Variants in ARAP3 observed in about 807,000 individuals in gnomAD.
ARAP3 encodes the protein ArfGAP with RhoGAP domain, ankyrin repeat and PH domain 3.
Under a neutral mutation model 169.2 loss-of-function variants are expected in ARAP3, and 82 were observed. The ratio of observed to expected loss-of-function variants is 0.48; its 90% confidence interval spans 0.41 to 0.58. The LOEUF (loss-of-function observed/expected upper bound fraction) is 0.58, where lower values mean the gene tolerates loss of function less well. Among genes scored for constraint, ARAP3 ranks in the 20% least tolerant of loss-of-function variants. ARAP3 has a pLI of 0.00. For missense variants in ARAP3, 1,764 were observed against 2,018.0 expected (o/e 0.87, Z 2.41); for synonymous variants, 791 against 800.3 (o/e 0.99, Z 0.20).
chr5:141,672,190 C>A lies in ARAP3; in HGVS notation c.1497G>T (p.Arg499=), dbSNP rs146597354. Residue 499 remains arginine, a synonymous_variant, in exon 10 of 33, where the codon CGG becomes CGT. Transcript: ENST00000239440. The surrounding 1 kb of genome is among the most constrained non-coding windows in gnomAD (Gnocchi z 4.9). ...YEVAEKIWSN[R]ANRQCADCGS... is the part of the protein sequence containing the mutation. The stretch of plus-strand genomic sequence containing the variant: ...CACAGTCCGCACACTGCCGGTTGGC[C>A]CGATTAGACCAGATCTTCTCAGCCA... The A allele has an allele frequency of 5.6e-6, 9 of 1,614,078 alleles. No homozygotes were observed. Among genetic ancestry groups the A allele is most frequent in the Non-Finnish European group, 6.8e-6 (8 of 1,180,028 alleles).
Position 141,671,644 on chromosome 5 carries a change from T to C in ARAP3, c.1780A>G (p.Ile594Val), listed in dbSNP as rs1376233885. Reference protein sequence around the residue: ...DATPGPRGEFISRKYRLGLFR... With the variant: ...DATPGPRGEFVSRKYRLGLFR... Reference sequence around the variant, plus strand: ...AGACCCAGACGGTACTTTCGGGAGATGAACTCTCCCCGGGGGCCAGGGGTC... The same window carrying C: ...AGACCCAGACGGTACTTTCGGGAGACGAACTCTCCCCGGGGGCCAGGGGTC... Residue 594 changes from isoleucine (I) to valine (V), a missense_variant, in exon 12 of 33, where the codon ATC (isoleucine) becomes GTC (valine). Coordinates refer to ENST00000239440, the MANE Select transcript of ARAP3 (RefSeq NM_022481.6). This position sits in a 1 kb window ranked among gnomAD's most constrained non-coding sequence, Gnocchi z 4.9. 2.5e-6 allele frequency: 4 copies of C among 1,614,026 alleles called. No individual in the cohort carries two copies. The highest frequency in any genetic ancestry group is 1.6e-4 in the Middle Eastern group (1 of 6,062).
chr5:141,680,012 T>C lies in ARAP3; in HGVS notation c.475A>G (p.Ile159Val), dbSNP rs2099912760. Residue 159 changes from isoleucine to valine, a missense_variant, in exon 2 of 33, where the codon ATC becomes GTC. Ile to Val is a conservative substitution (Grantham distance 29, BLOSUM62 3). Coordinates refer to ENST00000239440, the MANE Select transcript of ARAP3 (RefSeq NM_022481.6). ...LNTVEMMPNSIYFGLDSRGRA... is the reference protein window; with the variant it reads ...LNTVEMMPNSVYFGLDSRGRA... ...CCTCTTGAGTCCAGGCCGAAGTAGA[T>C]GGAATTAGGCATCATCTCCACAGTA... is the stretch of plus-strand genomic sequence containing the variant. 1 of 1,614,144 alleles carries C rather than the reference T, an allele frequency of 6.2e-7. No individual in the cohort carries two copies. The highest frequency in any genetic ancestry group is 8.5e-7 in the Non-Finnish European group (1 of 1,180,020).
chr5:141,661,490 G>A (rs546884714), intron 21 of ARAP3, among the ~76,000 whole-genome samples, 194 bp downstream of exon 21: 49 of 152,338 alleles, frequency 3.2e-4, no homozygotes, highest in African/African-American at 1.1e-3. Flanking sequence ...CACACAGCTA[G>A]AATGACGGCA....
chr5:141,675,592 G>T (rs192693938), intron 4 of ARAP3, among the ~76,000 whole-genome samples: 2 of 151,782 alleles, frequency 1.3e-5, no homozygotes, highest in Non-Finnish European at 2.9e-5. Context: ...GTGTGCTGGC[G>T]GGCGCCTGTA....
chr5:141,681,911 C>A (rs529438574), intron 1 of ARAP3, among the ~76,000 whole-genome samples: 1 of 151,944 alleles, frequency 6.6e-6, no homozygotes, highest in African/African-American at 2.4e-5. Flanking sequence ...CCGGGCTCGA[C>A]AGCACGGGGC....
In ARAP3 at chr5:141,672,197, G is replaced by A. The variant is rs200580064; in HGVS notation, c.1490C>T (p.Ser497Phe). The change falls in exon 10 of 33, where the codon TCT (serine) becomes TTT (phenylalanine). Residue 497 changes from serine (S) to phenylalanine (F), a missense_variant. By Grantham distance (155) the Ser-to-Phe change is radical. Around this residue, in one of 3 missense-constraint regions of ARAP3, gnomAD observed 630 missense variants for 678.7 expected, o/e 0.93. Coordinates refer to ENST00000239440, the MANE Select transcript of ARAP3 (RefSeq NM_022481.6). This position sits in a 1 kb window ranked among gnomAD's most constrained non-coding sequence, Gnocchi z 4.9. ...CGCACACTGCCGGTTGGCCCGATTA[G>A]ACCAGATCTTCTCAGCCACCTCGTA... ...SDYEVAEKIW[S>F]NRANRQCADC... 4 of 1,614,218 alleles carry A rather than the reference G, an allele frequency of 2.5e-6. No individual in the cohort carries two copies. Among genetic ancestry groups the A allele is most frequent in the Non-Finnish European group, 3.4e-6 (4 of 1,180,038 alleles).
At position 141,672,916 on chromosome 5, in the gene ARAP3, T is replaced by C; in HGVS notation, c.1103A>G (p.Asp368Gly). The change falls in exon 8 of 33, where the codon GAC becomes GGC. Residue 368 changes from aspartate to glycine, a missense_variant. Physicochemically the swap from Asp to Gly is moderately conservative, Grantham distance 94. Coordinates refer to ENST00000239440, the MANE Select transcript of ARAP3 (RefSeq NM_022481.6). This position sits in a 1 kb window ranked among gnomAD's most constrained non-coding sequence, Gnocchi z 4.9. ...VFRTESEAQR[D>G]MWCSTLQSCL... ...GGACTGCAGCGTGGAGCACCACATG[T>C]CCCGCTGAGCTGGTGGGGATGGAGA... is the stretch of plus-strand genomic sequence containing the variant. 1 of 1,611,092 alleles carries C rather than the reference T, an allele frequency of 6.2e-7. No homozygotes were observed. The highest frequency in any genetic ancestry group is 8.5e-7 in the Non-Finnish European group (1 of 1,178,630).
chr5:141,679,861 A>G (rs774624809), intron 2 of ARAP3, 39 bp from the exon 3 acceptor site: 24 of 1,609,822 alleles, frequency 1.5e-5, no homozygotes. Flanking sequence ...AGGAGAGAGG[A>G]GGAAGAACAA....
rs1258878273 is a variant in ARAP3 at position 141,673,306 on chromosome 5, C to CA, written c.972+94dup. 1.8e-5 allele frequency: 29 copies of CA among 1,571,436 alleles called. No individual in the cohort carries two copies. In the African/African-American group the frequency reaches 2.8e-4, roughly 15 times the overall value. On this transcript the variant is annotated intron_variant, in intron 6 of 32. Coordinates refer to ENST00000239440, the MANE Select transcript of ARAP3 (RefSeq NM_022481.6). ...TCAGTCATGCAGTCACTGCCCCGCC[C>CA]ACACACACAATGGACTTCCCTCCTT...
intron 16 of ARAP3, among the ~76,000 whole-genome samples, chr5:141,666,912 C>T (rs756494265): frequency 2.0e-5 from 3 of 152,062 alleles, no homozygotes; most frequent in Non-Finnish European, 4.4e-5. Context: ...GTGTGGCAGC[C>T]TCATGCCCTT....
At chr5:141,681,453 C>G (rs551257007) in intron 1 of ARAP3, among the ~76,000 whole-genome samples, 7 of 152,148 alleles carry the variant, frequency 4.6e-5, no homozygotes, top group Non-Finnish European at 1.0e-4. Flanking sequence ...GCTCTGTCCC[C>G]CTTCCACCAG....
At position 141,671,863 on chromosome 5, in the gene ARAP3, G is replaced by A. The variant is rs200734622; in HGVS notation, c.1671+32C>T. The A allele has an allele frequency of 2.2e-5, 35 of 1,613,762 alleles. No individual in the cohort carries two copies. Among genetic ancestry groups the A allele is most frequent in the East Asian group, 1.6e-4 (7 of 44,874 alleles). ...CCTGCTTCTGGACGCTCCCTTCTAC[G>A]CCTCCCACCTTCTCCCTCTTCGCCC... is the stretch of plus-strand genomic sequence containing the variant. On this transcript the variant is annotated intron_variant, in intron 11 of 32. Coordinates refer to ENST00000239440, the MANE Select transcript of ARAP3 (RefSeq NM_022481.6). The surrounding 1 kb of genome is among the most constrained non-coding windows in gnomAD (Gnocchi z 4.9).
At chr5:141,675,352 T>A (rs2099912024) in intron 4 of ARAP3, among the ~76,000 whole-genome samples, 1 of 152,066 alleles carries the variant, frequency 6.6e-6, no homozygotes, top group Non-Finnish European at 1.5e-5. Context: ...CACCAGACAC[T>A]TAAATGTGAA....
intron 19 of ARAP3, among the ~76,000 whole-genome samples, chr5:141,664,153 G>T (rs2099910340): frequency 6.6e-6 from 1 of 152,176 alleles, no homozygotes; most frequent in Non-Finnish European, 1.5e-5. Context: ...GGGAGGCCAA[G>T]GTGGGTGGAT....
At chr5:141,669,024 T>G (rs1489785119) in intron 16 of ARAP3, among the ~76,000 whole-genome samples, 1 of 152,186 alleles carries the variant, frequency 6.6e-6, no homozygotes, top group East Asian at 1.9e-4. Context: ...ATCATCGTCA[T>G]CATCACTACC....
chr5:141,672,173 G>T lies in ARAP3; in HGVS notation c.1514C>A (p.Ala505Glu), dbSNP rs1163406834. Residue 505 changes from alanine to glutamate, a missense_variant, in exon 10 of 33, where the codon GCG (alanine) becomes GAG (glutamate). This residue lies in a region of ARAP3 where 630 missense variants were observed against 678.7 expected (regional missense o/e 0.93). Coordinates refer to ENST00000239440, the MANE Select transcript of ARAP3 (RefSeq NM_022481.6). This position sits in a 1 kb window ranked among gnomAD's most constrained non-coding sequence, Gnocchi z 4.9. ...IWSNRANRQC[A>E]DCGSSRPDWA... ...ATCTGGGCGGGAGGACCCACAGTCCGCACACTGCCGGTTGGCCCGATTAGA... is the reference window on the plus strand; with the variant it reads ...ATCTGGGCGGGAGGACCCACAGTCCTCACACTGCCGGTTGGCCCGATTAGA... The T allele has an allele frequency of 6.2e-7, 1 of 1,614,148 alleles. No homozygotes were observed. The highest frequency in any genetic ancestry group is 1.1e-5 in the South Asian group (1 of 91,076).
intron 26 of ARAP3, 29 bp from the exon 27 acceptor site, chr5:141,656,666 A>T (rs1467814633): frequency 3.7e-5 from 59 of 1,613,230 alleles, no homozygotes; most frequent in Non-Finnish European, 4.7e-5. Context: ...TCCTGGGTGG[A>T]GGATGCTAGG....
chr5:141,655,860 T>G lies in ARAP3; in HGVS notation c.3972+9A>C. The G allele has an allele frequency of 6.2e-7, 1 of 1,613,998 alleles. No homozygotes were observed. The highest frequency in any genetic ancestry group is 8.5e-7 in the Non-Finnish European group (1 of 1,179,912). The stretch of plus-strand genomic sequence containing the variant: ...CAGACCCAGCCCTCAGCCTTTTCTT[T>G]CCCCTCACCTGGGCTTTAAGGATGC... On this transcript the variant is annotated intron_variant, in intron 30 of 32. Transcript: ENST00000239440.
intron 32 of ARAP3, among the ~76,000 whole-genome samples, chr5:141,654,782 T>C (rs2099908991): frequency 6.6e-6 from 1 of 151,246 alleles, no homozygotes; most frequent in Non-Finnish European, 1.5e-5. Context: ...TCTTGTTGCC[T>C]AGGCTGGAGT....
Sources: gnomAD v4.1 joint callset for allele counts (sites outside exome capture counted in the v4.1 genomes callset) on GRCh38, gnomAD v4.1.1 for gene constraint, gnomAD v4.1.1 regional missense constraint, Gnocchi (gnomAD v3.1) non-coding constraint, MANE v1.5 for transcripts, NCBI Gene and HGNC (gene_info 2026-07-23, HGNC 2026-07-21) for gene names.